EPM2A: variants seen among roughly 807,000 people sequenced by gnomAD.
The protein encoded by EPM2A is laforin.
In EPM2A, 21 loss-of-function variants were observed where a neutral mutation model predicts 26.5. The observed-to-expected ratio is 0.79, with a 90% CI of 0.56 to 1.14. The LOEUF is 1.14. Ranked by LOEUF, EPM2A falls within the 50% of genes most tolerant of loss-of-function variation. EPM2A has a pLI of 0.00. For missense variants in EPM2A, 458 were observed against 440.8 expected (o/e 1.04, Z -0.35); for synonymous variants, 217 against 177.6 (o/e 1.22, Z -1.76).
chr6:145,714,155 T>C (rs577975517), intron 1 of EPM2A, among the ~76,000 whole-genome samples: 2 of 152,318 alleles, frequency 1.3e-5, no homozygotes, highest in Admixed American at 6.5e-5. Flanking sequence ...GTGTTGATAG[T>C]TACATAACAT....
chr6:145,449,076 G>GGAGT (rs1779165134), intron 4 of EPM2A, among the ~76,000 whole-genome samples: 2 of 152,286 alleles, frequency 1.3e-5, no homozygotes, highest in South Asian at 4.1e-4. Flanking sequence ...TTTCACCTAA[G>GGAGT]GAGTGATGCA....
Position 145,416,252 on chromosome 6 carries a change from CT to C in EPM2A, c.556-32156del, listed in dbSNP as rs71753932. Among the ~76,000 whole-genome samples, 358 of 146,036 alleles carry C rather than the reference CT, an allele frequency of 2.5e-3. 2 individuals are homozygous for C. Among genetic ancestry groups the C allele is most frequent in the African/African-American group, 7.0e-3 (276 of 39,608 alleles). ...ATGCATCTTTTTCAAAACAGGCAGG[CT>C]TTTTTTTTTTTAATGCAGATTGTCA... On this transcript the variant is annotated intron_variant, in intron 4 of 4. Transcript: ENST00000638717.
chr6:145,418,653 C>T (rs1434511906), intron 4 of EPM2A, among the ~76,000 whole-genome samples: 1 of 152,200 alleles, frequency 6.6e-6, no homozygotes, highest in African/African-American at 2.4e-5. Context: ...AATTCTTCCT[C>T]AGTCTTGATG....
chr6:145,562,127 G>GTAAAAAAAAAA (rs755571602), intron 2 of EPM2A, among the ~76,000 whole-genome samples: 5 of 140,272 alleles, frequency 3.6e-5, no homozygotes, highest in African/African-American at 5.3e-5. Context: ...ATTACAAAAA[G>GTAAAAAAAAAA]GAAAAAAAAA....
At chr6:145,576,248 T>C (rs1781030033) in intron 2 of EPM2A, among the ~76,000 whole-genome samples, 1 of 152,300 alleles carries the variant, frequency 6.6e-6, no homozygotes, top group Non-Finnish European at 1.5e-5. Flanking sequence ...ACATGGGGAA[T>C]GGAAAGAATT....
rs142588954 is a variant in EPM2A, at chr6:145,489,510, A to G, written c.555+13012T>C. The G allele has an allele frequency of 4.5e-3, 2,629 of 584,904 alleles. 64 individuals carry two copies. Among genetic ancestry groups the G allele is most frequent in the African/African-American group, 0.045 (2,406 of 53,568 alleles). The allele number at this position is 584,904 out of a possible 1,614,324, so 36.2% of individuals were successfully genotyped here. ...CAATTTGTTTCAACAAAAACAATTC[A>G]GCACAACAACAAATAGCTTAACTTT... On this transcript the variant is annotated intron_variant, in intron 4 of 4. Coordinates refer to the EPM2A transcript ENST00000638717.
In EPM2A at chr6:145,676,757, T is replaced by C. The variant is rs536457885; in HGVS notation, c.476+9365A>G. Among the ~76,000 whole-genome samples, 4 of 152,242 alleles carry C rather than the reference T, an allele frequency of 2.6e-5. No homozygotes were observed. In the East Asian group the frequency reaches 7.7e-4, roughly 29 times the overall value. ...GAAGTTGAATCTCTGAATAGACCAA[T>C]AACAGGTTCTGAAATTGAGGCAATA... On this transcript the variant is annotated intron_variant, in intron 2 of 3. Coordinates refer to ENST00000367519, the MANE Select transcript of EPM2A (RefSeq NM_005670.4).
chr6:145,466,696 A>G (rs959126276), intron 4 of EPM2A, among the ~76,000 whole-genome samples: 3 of 152,200 alleles, frequency 2.0e-5, no homozygotes, highest in African/African-American at 7.2e-5. Context: ...ATGCACAGGT[A>G]TGTTTATTGC....
chr6:145,700,742 A>G (rs1384468419), intron 1 of EPM2A, among the ~76,000 whole-genome samples: 1 of 152,188 alleles, frequency 6.6e-6, no homozygotes, highest in Non-Finnish European at 1.5e-5. Context: ...ATCCTAACCC[A>G]GCTAGCTAGG....
intron 2 of EPM2A, among the ~76,000 whole-genome samples, chr6:145,561,773 C>A (rs1780808089): frequency 6.6e-6 from 1 of 152,122 alleles, no homozygotes; most frequent in Admixed American, 6.6e-5. Context: ...GACAGCGTTT[C>A]TCGTTTTTCT....
chr6:145,490,356 C>CT (rs1232693069), intron 4 of EPM2A: 4 of 1,272,646 alleles, frequency 3.1e-6, no homozygotes, highest in East Asian at 2.3e-5. Flanking sequence ...TTCTTTCTTC[C>CT]TTTTTTGCCT....
At chr6:145,658,285 T>C (rs1052480074) in intron 2 of EPM2A, among the ~76,000 whole-genome samples, 6 of 152,196 alleles carry the variant, frequency 3.9e-5, no homozygotes, top group Non-Finnish European at 7.3e-5. Context: ...GACTGACCTG[T>C]TCTACACTCT....
chr6:145,699,485 A>G (rs1781797217), intron 1 of EPM2A, among the ~76,000 whole-genome samples: 1 of 152,226 alleles, frequency 6.6e-6, no homozygotes. Flanking sequence ...GGAGAAGGTA[A>G]TATCAGTATG....
At chr6:145,603,279 T>TA (rs35392511) in intron 2 of EPM2A, among the ~76,000 whole-genome samples, 52,444 of 145,836 alleles carry the variant, frequency 0.36, 9,482 homozygotes, top group South Asian at 0.46. Context: ...ATCTCTAAAT[T>TA]AAAAAAAAAA....
At position 145,503,959 on chromosome 6, in the gene EPM2A, T is replaced by C. The variant is rs374592304; in HGVS notation, c.341-1384A>G. On this transcript the variant is annotated intron_variant, in intron 2 of 3. Coordinates refer to the EPM2A transcript ENST00000450221. ...ACGCCGCATATCTACAACTATCTGA[T>C]CTTTGACAAACCTGAGAAAAACAAG... Among the ~76,000 whole-genome samples the C allele has an allele frequency of 5.2e-5, 4 of 76,758 alleles. No homozygotes were observed. In the East Asian group the frequency reaches 1.3e-3, roughly 26 times the overall value. The allele number at this position is 76,758 out of a possible 152,430, so 50.4% of individuals were successfully genotyped here.
At chr6:145,484,398 T>C (rs1779648139) in intron 4 of EPM2A, among the ~76,000 whole-genome samples, 2 of 152,100 alleles carry the variant, frequency 1.3e-5, no homozygotes, top group African/African-American at 4.8e-5. Context: ...TGTGCACTTA[T>C]TTGATGGACT....
chr6:145,694,029 TG>T, intron 1 of EPM2A, among the ~76,000 whole-genome samples: 1 of 152,132 alleles, frequency 6.6e-6, no homozygotes, highest in Middle Eastern at 3.4e-3. Context: ...TTAAAATATG[TG>T]TATTTCTTAA....
intron 2 of EPM2A, among the ~76,000 whole-genome samples, chr6:145,519,520 C>T (rs562249399): frequency 1.1e-4 from 17 of 152,174 alleles, no homozygotes; most frequent in East Asian, 1.9e-4. Context: ...CACTGAATCA[C>T]GAGCCTTTAA....
chr6:145,648,611 T>C (rs2128575829), intron 2 of EPM2A, among the ~76,000 whole-genome samples: 1 of 152,368 alleles, frequency 6.6e-6, no homozygotes, highest in South Asian at 2.1e-4. Context: ...CTAGAATCTC[T>C]TGGAGGTCTC....
Sources: gnomAD v4.1 joint callset for allele counts (sites outside exome capture counted in the v4.1 genomes callset) on GRCh38, gnomAD v4.1.1 for gene constraint, MANE v1.5 for transcripts, NCBI Gene and HGNC (gene_info 2026-07-23, HGNC 2026-07-21) for gene names.